ZFPM2: variants seen among roughly 807,000 people sequenced by gnomAD.
ZFPM2 encodes zinc finger protein ZFPM2.
ZFPM2 carries 20 observed loss-of-function variants against 98.6 expected under a neutral mutation model. The observed-to-expected ratio is 0.20, with a 90% CI of 0.14 to 0.29. ZFPM2 has a LOEUF of 0.29. ZFPM2 is among the 10% of genes least tolerant of loss of function. The pLI, the probability that ZFPM2 is intolerant of heterozygous loss-of-function variation, is 1.00. For missense variants in ZFPM2, 1,310 were observed against 1,388.6 expected (o/e 0.94, Z 0.90); for synonymous variants, 518 against 502.7 (o/e 1.03, Z -0.41).
At chr8:105,429,147 G>A (rs1563654372) in intron 2 of ZFPM2, among the ~76,000 whole-genome samples, 4 of 152,156 alleles carry the variant, frequency 2.6e-5, no homozygotes, top group South Asian at 2.1e-4. Flanking sequence ...TTAACAACGC[G>A]ATTTGATGTA....
intron 1 of ZFPM2, among the ~76,000 whole-genome samples, chr8:105,323,214 T>C (rs1471635649): frequency 1.3e-5 from 2 of 151,912 alleles, no homozygotes; most frequent in Non-Finnish European, 2.9e-5. Context: ...TATTTTTATT[T>C]TTAAAAATGT....
At chr8:105,742,475 G>A (rs903630222) in intron 5 of ZFPM2, among the ~76,000 whole-genome samples, 1 of 151,648 alleles carries the variant, frequency 6.6e-6, no homozygotes, top group Non-Finnish European at 1.5e-5. Flanking sequence ...ATGGTGAGAT[G>A]TGAAATTAGA....
chr8:105,793,200 G>A (rs1395188864), intron 6 of ZFPM2, among the ~76,000 whole-genome samples: 3 of 151,916 alleles, frequency 2.0e-5, no homozygotes, highest in Non-Finnish European at 4.4e-5. Flanking sequence ...TTACGTTTTG[G>A]CATGATTTTG....
chr8:105,437,568 T>C (rs1227247192), intron 2 of ZFPM2, among the ~76,000 whole-genome samples: 1 of 152,216 alleles, frequency 6.6e-6, no homozygotes, highest in Admixed American at 6.5e-5. Flanking sequence ...AGGACTTCAC[T>C]CAGTCGAAGT....
intron 5 of ZFPM2, among the ~76,000 whole-genome samples, chr8:105,730,595 T>C (rs979074861): frequency 6.6e-6 from 1 of 151,670 alleles, no homozygotes; most frequent in Admixed American, 6.6e-5. Flanking sequence ...TCAGAGTGGA[T>C]TGCCACGTGT....
intron 5 of ZFPM2, among the ~76,000 whole-genome samples, chr8:105,756,068 T>C (rs1812588482): frequency 6.6e-6 from 1 of 152,204 alleles, no homozygotes; most frequent in South Asian, 2.1e-4. Flanking sequence ...ATTGTGTTTC[T>C]GGGAGCTAAA....
chr8:105,576,726 T>C (rs1348776124), intron 4 of ZFPM2, among the ~76,000 whole-genome samples: 1 of 152,186 alleles, frequency 6.6e-6, no homozygotes, highest in Non-Finnish European at 1.5e-5. Flanking sequence ...TGGCCATTTA[T>C]GTATTTTTAT....
At chr8:105,785,197 T>A (rs1239880940) in intron 5 of ZFPM2, 1 of 152,134 alleles carries the variant, frequency 6.6e-6, no homozygotes, top group Non-Finnish European at 1.5e-5. Context: ...CTGTATGTCT[T>A]CTCCAAGTTC....
At chr8:105,427,071 AG>A (rs747785714) in intron 2 of ZFPM2, among the ~76,000 whole-genome samples, 10 of 152,118 alleles carry the variant, frequency 6.6e-5, no homozygotes, top group Non-Finnish European at 1.5e-4. Flanking sequence ...CCCAAAACAT[AG>A]TTTTTGTTTG....
chr8:105,436,643 T>A (rs1460451739), intron 2 of ZFPM2, among the ~76,000 whole-genome samples: 1 of 152,214 alleles, frequency 6.6e-6, no homozygotes, highest in African/African-American at 2.4e-5. Context: ...GACGGTAATG[T>A]CCTAGTAAGT....
chr8:105,590,968 A>G (rs1815829927), intron 4 of ZFPM2, among the ~76,000 whole-genome samples: 1 of 152,248 alleles, frequency 6.6e-6, no homozygotes, highest in African/African-American at 2.4e-5. Context: ...TAAAGGGCTA[A>G]TGTAAGGTTA....
At chr8:105,386,616 T>A (rs1252958255) in intron 1 of ZFPM2, among the ~76,000 whole-genome samples, 2 of 152,022 alleles carry the variant, frequency 1.3e-5, no homozygotes, top group East Asian at 3.9e-4. Flanking sequence ...ACCCAAAAAG[T>A]GAGCAGCAGC....
chr8:105,672,268 GA>G (rs893171555), intron 5 of ZFPM2, among the ~76,000 whole-genome samples: 11 of 151,584 alleles, frequency 7.3e-5, no homozygotes, highest in African/African-American at 2.4e-4. Flanking sequence ...TTTGGTTCAA[GA>G]AAAAAATACT....
chr8:105,747,154 T>G (rs1812368419), intron 5 of ZFPM2, among the ~76,000 whole-genome samples: 1 of 152,118 alleles, frequency 6.6e-6, no homozygotes, highest in African/African-American at 2.4e-5. Flanking sequence ...ATCATCTTTA[T>G]TTTTAAGAAT....
intron 5 of ZFPM2, among the ~76,000 whole-genome samples, chr8:105,725,321 G>GA (rs954177359): frequency 4.6e-5 from 7 of 151,188 alleles, no homozygotes; most frequent in African/African-American, 1.5e-4. Flanking sequence ...GTTATTTTCT[G>GA]AAAAAAAATT....
At chr8:105,481,235 T>G (rs1466729521) in intron 3 of ZFPM2, among the ~76,000 whole-genome samples, 1 of 152,158 alleles carries the variant, frequency 6.6e-6, no homozygotes, top group Non-Finnish European at 1.5e-5. Flanking sequence ...TTTTCTCTAT[T>G]TGTTTTGCTC....
chr8:105,545,019 G>A lies in ZFPM2; in HGVS notation c.302-16344G>A, dbSNP rs528316883. Among the ~76,000 whole-genome samples, 26 of 152,144 alleles carry A rather than the reference G, an allele frequency of 1.7e-4. No homozygotes were observed. The South Asian group carries it at 3.3e-3, about 19-fold the overall frequency. On this transcript the variant is annotated intron_variant, in intron 3 of 7. Coordinates refer to ENST00000407775, the MANE Select transcript of ZFPM2 (RefSeq NM_012082.4). ...ATTAAAAATGTTATTTTTTCCTGAGGATATGCTTTATTTAGGTTTAACATC... is the reference window on the plus strand; with the variant it reads ...ATTAAAAATGTTATTTTTTCCTGAGAATATGCTTTATTTAGGTTTAACATC...
chr8:105,660,810 A>G (rs1817373552), intron 5 of ZFPM2, among the ~76,000 whole-genome samples: 1 of 152,242 alleles, frequency 6.6e-6, no homozygotes, highest in South Asian at 2.1e-4. Flanking sequence ...AACTCCTACT[A>G]ATACTACATA....
At chr8:105,799,538 G>A (rs1362166859) in intron 7 of ZFPM2, among the ~76,000 whole-genome samples, 3 of 151,970 alleles carry the variant, frequency 2.0e-5, no homozygotes, top group Admixed American at 2.0e-4. Flanking sequence ...AAAAAAATAG[G>A]CTGAAAAACA....
Sources: gnomAD v4.1 joint callset for allele counts (sites outside exome capture counted in the v4.1 genomes callset) on GRCh38, gnomAD v4.1.1 for gene constraint, MANE v1.5 for transcripts, NCBI Gene and HGNC (gene_info 2026-07-23, HGNC 2026-07-21) for gene names.